SAR1B: variants seen among roughly 807,000 people sequenced by gnomAD.
SAR1B encodes the protein small COPII coat GTPase SAR1B.
A neutral mutation model predicts 26.8 loss-of-function variants in SAR1B; 23 were observed. That is an observed-to-expected ratio of 0.86 (90% CI 0.62 to 1.22). SAR1B has a LOEUF of 1.22. SAR1B is among the 50% of genes most tolerant of loss of function. The pLI is 0.00. For missense variants in SAR1B, 196 were observed against 232.8 expected, an observed-to-expected ratio of 0.84 and a Z score of 1.03; for synonymous variants, 65 against 80.8, an observed-to-expected ratio of 0.80 and a Z score of 1.05.
At chr5:134,621,714 C>T (rs1428893229) in intron 2 of SAR1B, among the ~76,000 whole-genome samples, 1 of 152,048 alleles carries the variant, frequency 6.6e-6, no homozygotes, top group African/African-American at 2.4e-5. Flanking sequence ...TGGAATTGAA[C>T]TGCTAAATTT....
chr5:134,628,996 G>A (rs1765550846), intron 1 of SAR1B, among the ~76,000 whole-genome samples: 1 of 151,938 alleles, frequency 6.6e-6, no homozygotes, highest in South Asian at 2.1e-4. Flanking sequence ...GCAAGAAACT[G>A]TAGTCCCAGC....
intron 1 of SAR1B, among the ~76,000 whole-genome samples, chr5:134,629,903 A>G (rs1042783033): frequency 1.3e-5 from 2 of 151,942 alleles, no homozygotes; most frequent in African/African-American, 4.8e-5. Context: ...AAAAAAAGAA[A>G]AAAAAGAAAA....
intron 1 of SAR1B, among the ~76,000 whole-genome samples, chr5:134,631,254 A>C (rs920328446): frequency 6.6e-6 from 1 of 152,178 alleles, no homozygotes; most frequent in African/African-American, 2.4e-5. Context: ...CTGACAGTGC[A>C]TCTCTGACAT....
intron 1 of SAR1B, among the ~76,000 whole-genome samples, chr5:134,627,227 AT>A (rs1765508030): frequency 6.6e-6 from 1 of 151,618 alleles, no homozygotes; most frequent in Non-Finnish European, 1.5e-5. Flanking sequence ...AATTTTTTAT[AT>A]TTTTAGTAGC....
At chr5:134,610,696 TGCACTCCA>T (rs1271970778) in intron 4 of SAR1B, among the ~76,000 whole-genome samples, 1 of 151,618 alleles carries the variant, frequency 6.6e-6, no homozygotes, top group East Asian at 1.9e-4. Flanking sequence ...ATCATGCCAC[TGCACTCCA>T]GCCTGGGAGA....
intron 3 of SAR1B, among the ~76,000 whole-genome samples, chr5:134,619,519 CAGACTA>C (rs1223851027): frequency 2.5e-4 from 38 of 151,582 alleles, no homozygotes; most frequent in Non-Finnish European, 4.4e-4. Flanking sequence ...GCCACCATGC[CAGACTA>C]ATTTTTTGTT....
intron 1 of SAR1B, among the ~76,000 whole-genome samples, chr5:134,630,889 C>CTTTTT (rs781218368): frequency 2.9e-5 from 2 of 69,122 alleles, no homozygotes; most frequent in Non-Finnish European, 5.7e-5. Context: ...CTTTTTTTTT[C>CTTTTT]TTTTTTTTTT....
intron 1 of SAR1B, among the ~76,000 whole-genome samples, chr5:134,630,776 C>T (rs1255922341): frequency 7.4e-6 from 1 of 135,174 alleles, no homozygotes; most frequent in Non-Finnish European, 1.6e-5. Context: ...GAGACTCCGT[C>T]TCAAAAAAAA....
Position 134,606,714 on chromosome 5 carries a change from T to G in SAR1B, c.*236A>C, listed in dbSNP as rs1765133560. 2.1e-6 allele frequency: 1 copy of G among 471,208 alleles called. No homozygotes were observed. Among genetic ancestry groups the G allele is most frequent in the Non-Finnish European group, 3.9e-6 (1 of 256,622 alleles). The allele number at this position is 471,208 out of a possible 1,614,324, so 29.2% of individuals were successfully genotyped here. A position where few individuals can be genotyped will look rare whatever the true frequency, so the allele number is the denominator to read the frequency against. On this transcript the variant is annotated 3_prime_UTR_variant, in exon 7 of 7. Transcript: ENST00000402673. ...AAATGGCGCTGGGGTGATGTCAGAT[T>G]ATAAACTGTAAAAACCAAGTACTTT...
chr5:134,602,952 T>C lies in SAR1B; in HGVS notation c.*3998A>G, dbSNP rs1369099677. ...TAGTCCTTAATTGAAGCACACTGTT[T>C]TTCTAAACTCTTATATTTATAGCAA... On this transcript the variant is annotated 3_prime_UTR_variant, in exon 7 of 7. Transcript: ENST00000402673. 1 of 152,234 alleles carries C rather than the reference T, an allele frequency of 6.6e-6. No homozygotes were observed. The highest frequency in any genetic ancestry group is 1.5e-5 in the Non-Finnish European group (1 of 68,038). The allele number at this position is 152,234 out of a possible 1,614,324, so 9.4% of individuals were successfully genotyped here.
intron 1 of SAR1B, among the ~76,000 whole-genome samples, chr5:134,629,027 G>A (rs1307615332): frequency 6.6e-6 from 1 of 151,950 alleles, no homozygotes; most frequent in Non-Finnish European, 1.5e-5. Context: ...GCTGAGGCTG[G>A]AGGATTGCTT....
chr5:134,610,727 CTG>C (rs1765198937), intron 4 of SAR1B, among the ~76,000 whole-genome samples: 1 of 151,718 alleles, frequency 6.6e-6, no homozygotes, highest in Non-Finnish European at 1.5e-5. Flanking sequence ...GAACCAGACT[CTG>C]TTTCAAAAAA....
chr5:134,611,446 TGTG>T (rs1765210934), intron 4 of SAR1B, among the ~76,000 whole-genome samples: 1 of 152,092 alleles, frequency 6.6e-6, no homozygotes, highest in Non-Finnish European at 1.5e-5. Context: ...ACAGGCCAGG[TGTG>T]GTGGCTCACA....
At chr5:134,620,889 C>T (rs1330569581) in intron 3 of SAR1B, 44 bp downstream of exon 3, 1 of 1,608,314 alleles carries the variant, frequency 6.2e-7, no homozygotes, top group Non-Finnish European at 8.5e-7. Context: ...TATGACTCAG[C>T]ATCATTTGAT....
At chr5:134,614,786 C>T (rs1765280569) in intron 3 of SAR1B, 2 of 152,308 alleles carry the variant, frequency 1.3e-5, no homozygotes, top group South Asian at 4.1e-4. Context: ...TTTGGGTGTC[C>T]TCTCTTTGCA....
At chr5:134,607,491 G>C (rs529653910) in intron 6 of SAR1B, among the ~76,000 whole-genome samples, 1 of 150,826 alleles carries the variant, frequency 6.6e-6, no homozygotes, top group Admixed American at 6.6e-5. Flanking sequence ...GCCTCCTGCG[G>C]ACCGGGCGTG....
rs1765049780 is a variant in SAR1B, at chr5:134,602,468, A to G, written c.*4482T>C. On this transcript the variant is annotated 3_prime_UTR_variant, in exon 7 of 7. Coordinates refer to ENST00000402673, the MANE Select transcript of SAR1B (RefSeq NM_016103.4). ...ACACGGTTTTAACAAAATTCCAGTC[A>G]CTTTATACAGAGGCAGAGTCACATA... 1 of 152,172 alleles carries G rather than the reference A, an allele frequency of 6.6e-6. No homozygotes were observed. Among genetic ancestry groups the G allele is most frequent in the Non-Finnish European group, 1.5e-5 (1 of 68,032 alleles). The allele number at this position is 152,172 out of a possible 1,614,324, so 9.4% of individuals were successfully genotyped here.
Position 134,604,046 on chromosome 5 carries a change from C to G in SAR1B, c.*2904G>C, listed in dbSNP as rs925662740. The G allele has an allele frequency of 2.0e-5, 3 of 152,088 alleles. No individual in the cohort carries two copies. The highest frequency in any genetic ancestry group is 4.4e-5 in the Non-Finnish European group (3 of 68,012). The allele number at this position is 152,088 out of a possible 1,614,324, so 9.4% of individuals were successfully genotyped here. On this transcript the variant is annotated 3_prime_UTR_variant, in exon 7 of 7. Coordinates refer to ENST00000402673, the MANE Select transcript of SAR1B (RefSeq NM_016103.4). ...TTTTTTCATATACTTTAGGAAATGT[C>G]TGTTCTCCAATTAAAAAATGCTATA... is the stretch of plus-strand genomic sequence containing the variant.
chr5:134,632,222 A>T (rs978073477), intron 1 of SAR1B: 5 of 152,146 alleles, frequency 3.3e-5, no homozygotes, highest in Non-Finnish European at 5.9e-5. Flanking sequence ...ACAAAAATTT[A>T]AAAAATTAAA....
Sources: gnomAD v4.1 joint callset for allele counts (sites outside exome capture counted in the v4.1 genomes callset) on GRCh38, gnomAD v4.1.1 for gene constraint, MANE v1.5 for transcripts, NCBI Gene and HGNC (gene_info 2026-07-23, HGNC 2026-07-21) for gene names.